The following WASF3 variants were observed in gnomAD, a reference collection of about 807,000 sequenced individuals.
WASF3 encodes actin-binding protein WASF3.
Under a neutral mutation model 46.6 loss-of-function variants are expected in WASF3, and 11 were observed. The observed-to-expected ratio is 0.24, with a 90% CI of 0.15 to 0.39. The LOEUF is 0.39. Among genes scored for constraint, WASF3 ranks in the 10% least tolerant of loss-of-function variants. WASF3 has a pLI of 1.00. For missense variants in WASF3, 576 were observed against 669.8 expected (o/e 0.86, Z 1.55); for synonymous variants, 242 against 259.7 (o/e 0.93, Z 0.65).
Position 26,634,284 on chromosome 13 carries a change from G to A in WASF3, c.-10-7977G>A, listed in dbSNP as rs562804193. The stretch of plus-strand genomic sequence containing the variant: ...TTTGATCTTTGTTGGTTTAAAGTCT[G>A]TTTTATCAGAGACTAGGATTGCAAC... On this transcript the variant is annotated intron_variant, in intron 2 of 9. Coordinates refer to ENST00000335327, the MANE Select transcript of WASF3 (RefSeq NM_006646.6). Among the ~76,000 whole-genome samples, 7 of 152,316 alleles carry A rather than the reference G, an allele frequency of 4.6e-5. No individual in the cohort carries two copies. The South Asian group carries it at 1.5e-3, about 32-fold the overall frequency.
intron 1 of WASF3, among the ~76,000 whole-genome samples, chr13:26,610,023 A>G (rs1377347110): frequency 6.6e-6 from 1 of 152,206 alleles, no homozygotes; most frequent in Non-Finnish European, 1.5e-5. Context: ...AGCTGGATCC[A>G]TGTGGCTGGA....
chr13:26,671,860 A>AT lies in WASF3; in HGVS notation c.423-10dup. On this transcript the variant is annotated splice_polypyrimidine_tract_variant and intron_variant, in intron 5 of 9. Coordinates refer to ENST00000335327, the MANE Select transcript of WASF3 (RefSeq NM_006646.6). ...TCTTTTCTTCCCTGACTTACAATAC[A>AT]TTGATTTGTAGAGATGACAAGAAGG... 3.2e-6 allele frequency: 5 copies of AT among 1,541,246 alleles called. No individual in the cohort carries two copies. Among genetic ancestry groups the AT allele is most frequent in the Non-Finnish European group, 4.4e-6 (5 of 1,138,446 alleles).
At chr13:26,607,834 A>G (rs1304930145) in intron 1 of WASF3, among the ~76,000 whole-genome samples, 1 of 152,006 alleles carries the variant, frequency 6.6e-6, no homozygotes. Context: ...TGAGGTCTCC[A>G]TGTGTTGCCC....
intron 3 of WASF3, among the ~76,000 whole-genome samples, chr13:26,656,248 TAAAA>T (rs1481888627): frequency 6.6e-6 from 1 of 151,996 alleles, no homozygotes; most frequent in African/African-American, 2.4e-5. Flanking sequence ...TTTTCCAAAG[TAAAA>T]AAAAGTTTCT....
At chr13:26,676,155 G>A (rs902048260) in intron 6 of WASF3, among the ~76,000 whole-genome samples, 1 of 152,196 alleles carries the variant, frequency 6.6e-6, no homozygotes, top group Admixed American at 6.5e-5. Flanking sequence ...TGTACGTTAA[G>A]AAGTCAGTCA....
At chr13:26,596,939 T>A (rs2137194096) in intron 1 of WASF3, among the ~76,000 whole-genome samples, 1 of 152,340 alleles carries the variant, frequency 6.6e-6, no homozygotes, top group South Asian at 2.1e-4. Context: ...TCTATTTACC[T>A]ATTTTGTTAT....
At chr13:26,633,660 A>G (rs993469798) in intron 2 of WASF3, among the ~76,000 whole-genome samples, 1 of 152,138 alleles carries the variant, frequency 6.6e-6, no homozygotes, top group Non-Finnish European at 1.5e-5. Flanking sequence ...ACACTGCTTT[A>G]AGTGTGTCCC....
intron 3 of WASF3, among the ~76,000 whole-genome samples, chr13:26,653,812 T>C (rs559910677): frequency 3.9e-5 from 6 of 152,354 alleles, no homozygotes; most frequent in South Asian, 2.1e-4. Context: ...TTCAAACTTA[T>C]ATACAACTGT....
chr13:26,620,085 GGTCTCTTT>G (rs1403568730), intron 2 of WASF3, among the ~76,000 whole-genome samples: 1 of 151,796 alleles, frequency 6.6e-6, no homozygotes, highest in African/African-American at 2.4e-5. Flanking sequence ...GGAGATTTTG[GGTCTCTTT>G]GTCTTAATCT....
chr13:26,587,214 AGAGGGGTCCTCAT>A (rs1880156803), intron 1 of WASF3, among the ~76,000 whole-genome samples: 2 of 148,442 alleles, frequency 1.3e-5, no homozygotes, highest in African/African-American at 2.5e-5. Context: ...TTAGTATTGC[AGAGGGGTCCTCAT>A]ACTTGGAAAA....
At chr13:26,656,341 C>T (rs1297793402) in intron 3 of WASF3, among the ~76,000 whole-genome samples, 7 of 152,118 alleles carry the variant, frequency 4.6e-5, no homozygotes, top group Admixed American at 4.6e-4. Context: ...TTTCTCTTTA[C>T]CTAAACTCTC....
rs114221994 is a variant in WASF3 at position 26,610,797 on chromosome 13, C to T, written c.-108-2164C>T. On this transcript the variant is annotated intron_variant, in intron 1 of 9. Transcript: ENST00000335327. ...CCCTGTTCTGGCCAGTATTGCAGCT[C>T]GTAGTAGAGGTGCTGTGTTTCCACT... Among the ~76,000 whole-genome samples, 1,276 of 152,188 alleles carry T rather than the reference C, an allele frequency of 8.4e-3. 17 individuals are homozygous for T. Among genetic ancestry groups the T allele is most frequent in the African/African-American group, 0.029 (1,215 of 41,504 alleles).
chr13:26,677,119 T>C (rs1373532473), intron 7 of WASF3, among the ~76,000 whole-genome samples: 1 of 152,246 alleles, frequency 6.6e-6, no homozygotes, highest in Admixed American at 6.5e-5. Context: ...TGGCAGGTGG[T>C]AAAGTAACTA....
chr13:26,603,554 G>A (rs948522076), intron 1 of WASF3, among the ~76,000 whole-genome samples: 1 of 152,176 alleles, frequency 6.6e-6, no homozygotes, highest in Non-Finnish European at 1.5e-5. Context: ...TGGGCTGTGT[G>A]TGGTGGTTCA....
At chr13:26,594,580 C>G (rs1264316781) in intron 1 of WASF3, among the ~76,000 whole-genome samples, 2 of 152,120 alleles carry the variant, frequency 1.3e-5, no homozygotes, top group Non-Finnish European at 1.5e-5. Flanking sequence ...TGTTGTAGCT[C>G]CTGTATCACT....
At chr13:26,642,843 G>A (rs1195437015) in intron 3 of WASF3, among the ~76,000 whole-genome samples, 1 of 152,082 alleles carries the variant, frequency 6.6e-6, no homozygotes, top group Non-Finnish European at 1.5e-5. Context: ...AATATCTGTT[G>A]ATTGAATAAC....
chr13:26,600,849 C>T (rs2137201569), intron 1 of WASF3, among the ~76,000 whole-genome samples: 1 of 152,310 alleles, frequency 6.6e-6, no homozygotes, highest in South Asian at 2.1e-4. Context: ...CCTCTCTCCA[C>T]CTCTCCACTT....
At chr13:26,578,413 C>G (rs1353960282) in intron 1 of WASF3, among the ~76,000 whole-genome samples, 4 of 152,096 alleles carry the variant, frequency 2.6e-5, no homozygotes, top group African/African-American at 9.7e-5. Context: ...GCCCTGTCAC[C>G]TTTGGCCTAG....
the WASF3 span, among the ~76,000 whole-genome samples, chr13:26,544,619 G>A: frequency 6.6e-6 from 1 of 152,212 alleles, no homozygotes; most frequent in Admixed American, 6.5e-5. Flanking sequence ...GTGATGTCAC[G>A]ATACAGGTAG....
Sources: allele counts gnomAD v4.1 joint callset (sites outside exome capture counted in the v4.1 genomes callset), GRCh38; gene constraint gnomAD v4.1.1; transcripts MANE v1.5; gene names NCBI Gene and HGNC (gene_info 2026-07-23, HGNC 2026-07-21).